Variants in CEP72 observed in about 807,000 individuals in gnomAD.
The protein encoded by CEP72 is centrosomal protein of 72 kDa.
In CEP72, 78 loss-of-function variants were observed where a neutral mutation model predicts 65.7. That is an observed-to-expected ratio of 1.19 (90% confidence interval 0.99 to 1.43). The LOEUF (loss-of-function observed/expected upper bound fraction) is 1.43. Ranked by LOEUF, CEP72 falls within the 40% of genes most tolerant of loss-of-function variation. The pLI is 0.00. For missense variants in CEP72, 914 were observed against 832.9 expected, an observed-to-expected ratio of 1.10 and a Z score of -1.20; for synonymous variants, 358 against 351.7, an observed-to-expected ratio of 1.02 and a Z score of -0.20.
At chr5:640,297 G>T in intron 8 of CEP72, 111 bp from the exon 9 acceptor site, 1 of 1,440,796 alleles carries the variant, frequency 6.9e-7, no homozygotes. Context: ...CTCCCTACCT[G>T]TCGTCTTTTT....
rs1204379887 is a variant in CEP72 at position 637,410 on chromosome 5, A to G, written c.905-107A>G. The G allele has an allele frequency of 4.4e-6, 4 of 916,590 alleles. No individual in the cohort carries two copies. The Middle Eastern group carries it at 6.8e-4, about 156-fold the overall frequency. 56.8% of individuals were successfully genotyped at this position (916,590 alleles called of 1,614,324 possible). ...CATATGTAAGTGTGCGTGTGTGTCC[A>G]TGTGTGTATATACATGGGCACACAC... On this transcript the variant is annotated intron_variant, in intron 6 of 11. Transcript: ENST00000264935.
At chr5:656,050 T>G (rs1346543855), downstream of CEP72, among the ~76,000 whole-genome samples, 1 of 152,252 alleles carries the variant, frequency 6.6e-6, no homozygotes. Context: ...TTGTATATTT[T>G]GGATTTTAGA....
chr5:662,901 T>C (rs1172636589), intron 1 of CEP72: 1 of 143,834 alleles, frequency 7.0e-6, no homozygotes, highest in Non-Finnish European at 1.5e-5. Flanking sequence ...TGCTCGTCTG[T>C]GATCGGGCGA....
At chr5:636,290 CATTCATGGTTTAG>C (rs1478977178) in intron 6 of CEP72, among the ~76,000 whole-genome samples, 1 of 152,200 alleles carries the variant, frequency 6.6e-6, no homozygotes, top group Non-Finnish European at 1.5e-5. Flanking sequence ...ATTTATAATC[CATTCATGGTTTAG>C]ATTCATGGTT....
downstream of CEP72, among the ~76,000 whole-genome samples, chr5:654,414 T>C (rs1380256881): frequency 6.6e-6 from 1 of 150,886 alleles, no homozygotes; most frequent in Non-Finnish European, 1.5e-5. Context: ...TGTGCTTGTG[T>C]GCTAGCTGTG....
intron 1 of CEP72, 23 bp downstream of exon 1, chr5:612,466 G>T (rs1318331366): frequency 7.0e-7 from 1 of 1,423,640 alleles, no homozygotes; most frequent in Non-Finnish European, 9.2e-7. Flanking sequence ...GCGGGCGGGG[G>T]TGCAAGCGTG....
intron 1 of CEP72, among the ~76,000 whole-genome samples, chr5:617,654 T>C (rs1285591632): frequency 6.6e-6 from 1 of 152,248 alleles, no homozygotes; most frequent in Non-Finnish European, 1.5e-5. Context: ...AGCATCCTGC[T>C]GTTTAGCTGC....
chr5:613,572 G>C (rs938121234), intron 1 of CEP72, among the ~76,000 whole-genome samples: 1 of 152,138 alleles, frequency 6.6e-6, no homozygotes, highest in African/African-American at 2.4e-5. Context: ...TCACCATGTT[G>C]GCCAGGCTGG....
chr5:612,579 G>A, intron 1 of CEP72, 136 bp downstream of exon 1: 5 of 1,229,566 alleles, frequency 4.1e-6, no homozygotes, highest in Non-Finnish European at 5.1e-6. Flanking sequence ...ACGGTCGCGG[G>A]CGAGCGGGGC....
chr5:636,809 CAAAA>C (rs76828125), intron 6 of CEP72, among the ~76,000 whole-genome samples: 3 of 54,480 alleles, frequency 5.5e-5, no homozygotes, highest in Admixed American at 1.7e-4. Context: ...GACTCCAACT[CAAAA>C]AAAAAAAAAA....
At chr5:641,448 G>A (rs1044152642) in intron 9 of CEP72, 15 of 985,320 alleles carry the variant, frequency 1.5e-5, no homozygotes, top group African/African-American at 1.7e-5. Flanking sequence ...CTCTGAACTT[G>A]TCTGACAAGT....
At chr5:665,937 C>CCCA in intron 3 of CEP72, 1 of 1,353,302 alleles carries the variant, frequency 7.4e-7, no homozygotes. Context: ...CCCACCCCCT[C>CCCA]CAGGCCCCGC....
chr5:666,250 G>T, intron 4 of CEP72: 2 of 1,070,244 alleles, frequency 1.9e-6, no homozygotes, highest in East Asian at 2.5e-5. Flanking sequence ...ACAGGCGGCC[G>T]CCCTGGTAGC....
Position 624,602 on chromosome 5 carries a change from C to T in CEP72, c.512+23C>T, listed in dbSNP as rs749335756. On this transcript the variant is annotated intron_variant, in intron 4 of 11. Coordinates refer to ENST00000264935, the MANE Select transcript of CEP72 (RefSeq NM_018140.4). The surrounding 1 kb of genome is among the most constrained non-coding windows in gnomAD (Gnocchi z 4.7). ...CAGGTATGAACGGAAGTGCTACGGACACCCAGAGTGTTTCTGACTGGCCTG... is the reference window on the plus strand; with the variant it reads ...CAGGTATGAACGGAAGTGCTACGGATACCCAGAGTGTTTCTGACTGGCCTG... 2.6e-5 allele frequency: 39 copies of T among 1,503,536 alleles called. No homozygotes were observed. The highest frequency in any genetic ancestry group is 3.3e-5 in the Non-Finnish European group (36 of 1,079,292). 93.1% of individuals were successfully genotyped at this position (1,503,536 alleles called of 1,614,324 possible). A position where few individuals can be genotyped will look rare whatever the true frequency, so the allele number is the denominator to read the frequency against.
the CEP72 span, among the ~76,000 whole-genome samples, chr5:673,533 G>A: frequency 6.6e-6 from 1 of 152,288 alleles, no homozygotes; most frequent in African/African-American, 2.4e-5. Context: ...CTGAGCTGCT[G>A]CCCGCAGGAC....
chr5:656,270 T>A (rs1386288381), downstream of CEP72, among the ~76,000 whole-genome samples: 1 of 152,242 alleles, frequency 6.6e-6, no homozygotes, highest in Non-Finnish European at 1.5e-5. Flanking sequence ...TATGTTAGGA[T>A]GTCTTGGCTG....
chr5:633,381 C>A, intron 4 of CEP72, among the ~76,000 whole-genome samples: 1 of 119,916 alleles, frequency 8.3e-6, no homozygotes, highest in South Asian at 2.6e-4. Flanking sequence ...GGGGTTCTGT[C>A]CAGTGCTGGA....
chr5:619,095 G>A lies in CEP72; in HGVS notation c.188G>A (p.Arg63His), dbSNP rs138365408. The change falls in exon 2 of 12, where the codon CGC (arginine) becomes CAC (histidine). Residue 63 changes from arginine to histidine, a missense_variant. Arg to His is a conservative substitution (Grantham distance 29). Transcript: ENST00000264935. Reference sequence around the variant, plus strand: ...GGTCTGAAATCTTTGGATCTCTCGCGCAACTCCTTGGTTAGTCTGGAGGTA... The same window carrying A: ...GGTCTGAAATCTTTGGATCTCTCGCACAACTCCTTGGTTAGTCTGGAGGTA... ...LTGLKSLDLS[R>H]NSLVSLEGIQ... is the part of the protein sequence containing the mutation. The A allele has an allele frequency of 1.3e-4, 211 of 1,613,508 alleles. No homozygotes were observed. Among genetic ancestry groups the A allele is most frequent in the African/African-American group, 2.4e-4 (18 of 74,880 alleles).
chr5:640,919 C>T, intron 9 of CEP72: 1 of 985,462 alleles, frequency 1.0e-6, no homozygotes, highest in Non-Finnish European at 1.2e-6. Context: ...CTTGCTGACC[C>T]ATCTCTCAGG....
Sources: allele counts gnomAD v4.1 joint callset (sites outside exome capture counted in the v4.1 genomes callset), GRCh38; gene constraint gnomAD v4.1.1; non-coding constraint Gnocchi (gnomAD v3.1); transcripts MANE v1.5; gene names NCBI Gene and HGNC (gene_info 2026-07-23, HGNC 2026-07-21).